Variants in RSKR observed in about 807,000 individuals in gnomAD.
RSKR encodes the protein ribosomal protein S6 kinase-related protein.
RSKR carries 44 observed loss-of-function variants against 56.8 expected under a neutral mutation model. That is an observed-to-expected ratio of 0.77 (90% confidence interval 0.61 to 1.00). The LOEUF (loss-of-function observed/expected upper bound fraction) is 1.00. RSKR is among the 50% of genes least tolerant of loss of function. RSKR has a pLI of 0.00. For synonymous variants in RSKR, 181 were observed against 188.0 expected (o/e 0.96, Z 0.30); for missense variants, 510 against 506.9 (o/e 1.01, Z -0.06).
intron 11 of RSKR, 200 bp from the exon 12 acceptor site, chr17:28,610,899 T>C (rs2070802870): frequency 4.5e-6 from 3 of 665,132 alleles, no homozygotes; most frequent in East Asian, 5.4e-5. Context: ...TTGTGAGTTT[T>C]CAGATGAGTG....
In RSKR at chr17:28,610,622, G is replaced by C; in HGVS notation, c.1089C>G (p.Ala363=). The C allele has an allele frequency of 6.5e-7, 1 of 1,536,034 alleles. No individual in the cohort carries two copies. The highest frequency in any genetic ancestry group is 8.7e-7 in the Non-Finnish European group (1 of 1,146,912). Residue 363 remains alanine (A), a synonymous_variant, in exon 12 of 12, where the codon GCC becomes GCG. Transcript: ENST00000301037. ...FQVHPFFRGV[A]FDPELLQKQP... ...GCTTCTGTAGGAGCTCTGGGTCGAA[G>C]GCCACACCCCGAAAGAAAGGGTGGA...
intron 1 of RSKR, 100 bp from the exon 2 acceptor site, chr17:28,613,788 G>T: frequency 6.6e-7 from 1 of 1,509,516 alleles, no homozygotes; most frequent in Non-Finnish European, 8.9e-7. Flanking sequence ...TCAACCCCTA[G>T]AGGTACATTT....
At position 28,611,829 on chromosome 17, in the gene RSKR, CTTCCT is replaced by C. The variant is rs748234152; in HGVS notation, c.694-39_694-35del. On this transcript the variant is annotated intron_variant, in intron 7 of 11. Transcript: ENST00000301037. ...TCACAGGTGAGAAGTAATTCTTCCT[CTTCCT>C]TTCAACTCTCTTTCATCATGTATAC... The C allele has an allele frequency of 1.4e-5, 23 of 1,613,984 alleles. No homozygotes were observed. The Middle Eastern group carries it at 6.6e-4, about 46-fold the overall frequency.
In RSKR at chr17:28,608,437, C is replaced by T. The variant is rs575314402; in HGVS notation, c.*2041G>A. ...TGGCACGATCTTCACTCATTGCAAC[C>T]TCCATCTCCTGGGTTCAAGCAATTC... On this transcript the variant is annotated 3_prime_UTR_variant, in exon 12 of 12. Coordinates refer to ENST00000301037, the MANE Select transcript of RSKR (RefSeq NM_001174103.2). 1 of 152,342 alleles carries T rather than the reference C, an allele frequency of 6.6e-6. No homozygotes were observed. Among genetic ancestry groups the T allele is most frequent in the African/African-American group, 2.4e-5 (1 of 41,560 alleles). 9.4% of individuals were successfully genotyped at this position (152,342 alleles called of 1,614,324 possible).
In RSKR at chr17:28,610,052, CAA is replaced by C. The variant is rs140531652; in HGVS notation, c.*424_*425del. ...TGGGCAACAGAGTGAGACTCTGTCT[CAA>C]AAAAAAAAAAAAAATTCATATTGCT... On this transcript the variant is annotated 3_prime_UTR_variant, in exon 12 of 12. Transcript: ENST00000301037. The C allele has an allele frequency of 1.7e-3, 207 of 118,496 alleles. No individual in the cohort carries two copies. The highest frequency in any genetic ancestry group is 5.7e-3 in the South Asian group (25 of 4,408). 7.3% of individuals were successfully genotyped at this position (118,496 alleles called of 1,614,324 possible). A position where few individuals can be genotyped will look rare whatever the true frequency, so the allele number is the denominator to read the frequency against.
At chr17:28,611,965 C>T (rs1166267881) in intron 7 of RSKR, 79 bp downstream of exon 7, 2 of 1,613,878 alleles carry the variant, frequency 1.2e-6, no homozygotes, top group African/African-American at 1.3e-5. Flanking sequence ...CAGTTCTCAG[C>T]TCCCTAACTT....
At chr17:28,612,111 T>C (rs2070824120) in intron 6 of RSKR, 27 bp from the exon 7 acceptor site, 1 of 1,613,650 alleles carries the variant, frequency 6.2e-7, no homozygotes, top group Non-Finnish European at 8.5e-7. Flanking sequence ...TGGGGTATGC[T>C]GCAGCTTTTC....
Position 28,608,918 on chromosome 17 carries a change from G to GT in RSKR, c.*1559dup, listed in dbSNP as rs1183826421. 6.8e-6 allele frequency: 1 copy of GT among 147,852 alleles called. No homozygotes were observed. Among genetic ancestry groups the GT allele is most frequent in the Non-Finnish European group, 1.5e-5 (1 of 67,190 alleles). The allele number at this position is 147,852 out of a possible 1,614,324, so 9.2% of individuals were successfully genotyped here. On this transcript the variant is annotated 3_prime_UTR_variant, in exon 12 of 12. Coordinates refer to ENST00000301037, the MANE Select transcript of RSKR (RefSeq NM_001174103.2). The stretch of plus-strand genomic sequence containing the variant: ...CAAAAATGAAAATTGTGAGAAATTA[G>GT]TTTAAGAAAAATGAAAAGAAGTCAT...
chr17:28,611,942 G>T, intron 7 of RSKR, 102 bp downstream of exon 7: 7 of 1,612,778 alleles, frequency 4.3e-6, no homozygotes, highest in Non-Finnish European at 5.9e-6. Context: ...ACCCATGGGG[G>T]CCCCAATGTC....
At chr17:28,613,780 A>C in intron 1 of RSKR, 92 bp from the exon 2 acceptor site, 3 of 1,546,796 alleles carry the variant, frequency 1.9e-6, no homozygotes, top group Non-Finnish European at 2.6e-6. Flanking sequence ...CTTAAGTCTC[A>C]ACCCCTAGAG....
Position 28,611,478 on chromosome 17 carries a change from G to A in RSKR, c.815C>T (p.Pro272Leu), listed in dbSNP as rs1166911210. 1.3e-6 allele frequency: 2 copies of A among 1,596,486 alleles called. No homozygotes were observed. Among genetic ancestry groups the A allele is most frequent in the Non-Finnish European group, 1.7e-6 (2 of 1,174,412 alleles). Reference sequence around the variant, plus strand: ...GTAAGGTCCTCCACTTAGGACCTCTGGGGCTACAGATTTCAAAGATACTCA... The same window carrying A: ...GTAAGGTCCTCCACTTAGGACCTCTAGGGCTACAGATTTCAAAGATACTCA... ...TICGTLQYMAPEVLSGGPYNH... is the reference protein window; with the variant it reads ...TICGTLQYMALEVLSGGPYNH... Residue 272 changes from proline (P) to leucine (L), a missense_variant, in exon 10 of 12, where the codon CCA (proline) becomes CTA (leucine). Coordinates refer to ENST00000301037, the MANE Select transcript of RSKR (RefSeq NM_001174103.2).
chr17:28,611,316 A>T, intron 10 of RSKR, 63 bp from the exon 11 acceptor site: 1 of 1,529,636 alleles, frequency 6.5e-7, no homozygotes, highest in South Asian at 1.2e-5. Flanking sequence ...GGAATACGGC[A>T]AGATTTCCTA....
intron 11 of RSKR, 70 bp downstream of exon 11, chr17:28,611,073 A>G (rs1341526002): frequency 1.5e-6 from 2 of 1,379,074 alleles, no homozygotes; most frequent in African/African-American, 1.4e-5. Context: ...ATGGGGAAAA[A>G]TCACTTTAAT....
At chr17:28,613,846 CA>C in intron 1 of RSKR, 158 bp from the exon 2 acceptor site, 1 of 1,161,076 alleles carries the variant, frequency 8.6e-7, no homozygotes, top group Non-Finnish European at 1.2e-6. Context: ...TGCTAAGCCC[CA>C]GATTTCCTGG....
At chr17:28,612,534 G>C (rs2070832029) in intron 5 of RSKR, 84 bp downstream of exon 5, 2 of 1,493,616 alleles carry the variant, frequency 1.3e-6, no homozygotes, top group South Asian at 1.2e-5. Flanking sequence ...ACAGAGCAAA[G>C]GCAGAACAAG....
In RSKR at chr17:28,611,803, A is replaced by G; in HGVS notation, c.694-8T>C. ...TAGAAGAATATTCTCCATCTGAAAG[A>G]TCACAGGTGAGAAGTAATTCTTCCT... On this transcript the variant is annotated splice_polypyrimidine_tract_variant and splice_region_variant and intron_variant, in intron 7 of 11. Coordinates refer to ENST00000301037, the MANE Select transcript of RSKR (RefSeq NM_001174103.2). The G allele has an allele frequency of 1.9e-6, 3 of 1,614,234 alleles. No homozygotes were observed. Among genetic ancestry groups the G allele is most frequent in the Non-Finnish European group, 2.5e-6 (3 of 1,180,040 alleles).
At position 28,613,157 on chromosome 17, in the gene RSKR, A is replaced by T. The variant is rs893577794; in HGVS notation, c.409-11T>A. ...TACCTTGGGCACCACCTATAAAAGG[A>T]GAGTAGTGATGACTCATAGATAGTG... On this transcript the variant is annotated splice_polypyrimidine_tract_variant and intron_variant, in intron 3 of 11. Coordinates refer to ENST00000301037, the MANE Select transcript of RSKR (RefSeq NM_001174103.2). 1 of 1,613,696 alleles carries T rather than the reference A, an allele frequency of 6.2e-7. No homozygotes were observed. Among genetic ancestry groups the T allele is most frequent in the African/African-American group, 1.3e-5 (1 of 74,908 alleles).
At position 28,610,468 on chromosome 17, in the gene RSKR, G is replaced by A. The variant is rs1368772387; in HGVS notation, c.*10C>T. 2 of 1,535,784 alleles carry A rather than the reference G, an allele frequency of 1.3e-6. No homozygotes were observed. The highest frequency in any genetic ancestry group is 1.2e-5 in the South Asian group (1 of 84,048). ...GCTCCCAGCCGGGCCCCAATTTACA[G>A]TAGAGAGGCTCAAGCAGGGATAGGG... On this transcript the variant is annotated 3_prime_UTR_variant, in exon 12 of 12. Coordinates refer to ENST00000301037, the MANE Select transcript of RSKR (RefSeq NM_001174103.2).
Position 28,611,377 on chromosome 17 carries a change from A to G in RSKR, c.900+16T>C, listed in dbSNP as rs780995571. 1 of 1,558,664 alleles carries G rather than the reference A, an allele frequency of 6.4e-7. No individual in the cohort carries two copies. Among genetic ancestry groups the G allele is most frequent in the South Asian group, 1.1e-5 (1 of 87,360 alleles). On this transcript the variant is annotated intron_variant, in intron 10 of 11. Coordinates refer to ENST00000301037, the MANE Select transcript of RSKR (RefSeq NM_001174103.2). ...GCAAAGCTCTTCTCTGCCCAAAACT[A>G]CTACTATTCTCTCACCTTTCCAGTC...
Sources: allele counts gnomAD v4.1 joint callset, GRCh38; gene constraint gnomAD v4.1.1; transcripts MANE v1.5; gene names NCBI Gene and HGNC (gene_info 2026-07-23, HGNC 2026-07-21).